Variants in PROX2 observed in about 807,000 individuals in gnomAD.
PROX2 encodes the protein prospero homeobox 2.
A neutral mutation model predicts 48.9 loss-of-function variants in PROX2; 46 were observed. The observed-to-expected ratio is 0.94, with a 90% CI of 0.74 to 1.20. The LOEUF (loss-of-function observed/expected upper bound fraction) is 1.20. PROX2 is among the 50% of genes most tolerant of loss of function. The probability of loss-of-function intolerance (pLI) is 0.00; values close to 1 mark genes in which losing one functional copy is unlikely to be tolerated. For synonymous variants in PROX2, 260 were observed against 276.6 expected (o/e 0.94, Z 0.60); for missense variants, 663 against 719.4 (o/e 0.92, Z 0.90).
intron 5 of PROX2, chr14:74,856,075 C>T (rs2091740507): frequency 6.6e-6 from 1 of 152,248 alleles, no homozygotes; most frequent in Non-Finnish European, 1.5e-5. Context: ...TCTTTGTGAT[C>T]ACAGTCAAGG....
chr14:74,868,262 T>C (rs1164287307), intron 2 of PROX2, among the ~76,000 whole-genome samples: 1 of 146,720 alleles, frequency 6.8e-6, no homozygotes, highest in African/African-American at 2.5e-5. Flanking sequence ...TGTTCATCAT[T>C]TTTGCCAAGC....
intron 1 of PROX2, among the ~76,000 whole-genome samples, chr14:74,871,572 G>A (rs1202802514): frequency 2.6e-5 from 4 of 151,096 alleles, no homozygotes; most frequent in Non-Finnish European, 4.4e-5. Context: ...CCAGGAGTTC[G>A]AGACCAGCCT....
chr14:74,865,153 A>G (rs1308468901), intron 2 of PROX2: 2 of 107,830 alleles, frequency 1.9e-5, no homozygotes, highest in Non-Finnish European at 3.7e-5. Context: ...TTAAGAAAAA[A>G]AAGAAAAAGA....
At chr14:74,868,324 T>A (rs1489956386) in intron 2 of PROX2, among the ~76,000 whole-genome samples, 1 of 58,444 alleles carries the variant, frequency 1.7e-5, no homozygotes, top group African/African-American at 8.8e-5. Flanking sequence ...TATATATATA[T>A]ATATATATAT....
In PROX2 at chr14:74,858,496, G is replaced by A. The variant is rs1399417391; in HGVS notation, c.1324C>T (p.Pro442Ser). ...AGTTTGGCCTTCTTCAAGTGACCAG[G>A]GTTTAGACCCTCCTGGATTTATCTC... The part of the protein sequence containing the change: ...SLVHIQEGLN[P>S]GHLKKAKLMF... Residue 442 changes from proline to serine, a missense_variant, in exon 4 of 6, where the codon CCT (proline) becomes TCT (serine). Coordinates refer to ENST00000556489, the MANE Select transcript of PROX2 (RefSeq NM_001243007.2). The A allele has an allele frequency of 6.4e-7, 1 of 1,574,074 alleles. No individual in the cohort carries two copies. The highest frequency in any genetic ancestry group is 1.3e-5 in the African/African-American group (1 of 74,212).
chr14:74,871,365 T>G (rs1883210992), intron 1 of PROX2, 128 bp from the exon 2 acceptor site: 1 of 152,110 alleles, frequency 6.6e-6, no homozygotes, highest in African/African-American at 2.4e-5. Flanking sequence ...GAGAAGCAAA[T>G]TTAGCTACAA....
intron 5 of PROX2, 119 bp from the exon 6 acceptor site, chr14:74,855,421 C>T: frequency 4.4e-6 from 3 of 682,774 alleles, no homozygotes; most frequent in Non-Finnish European, 6.6e-6. Flanking sequence ...AGCATCCCTG[C>T]TCTAGTGGCC....
chr14:74,853,314 G>A lies in PROX2; in HGVS notation c.*1818C>T, dbSNP rs2091718524. 6.6e-6 allele frequency: 1 copy of A among 152,182 alleles called. No individual in the cohort carries two copies. Among genetic ancestry groups the A allele is most frequent in the South Asian group, 2.1e-4 (1 of 4,828 alleles). 9.4% of individuals were successfully genotyped at this position (152,182 alleles called of 1,614,324 possible). On this transcript the variant is annotated 3_prime_UTR_variant, in exon 6 of 6. Coordinates refer to ENST00000556489, the MANE Select transcript of PROX2 (RefSeq NM_001243007.2). ...TAACTTAGGTATGTAATGTCACTCT[G>A]GATAGAGGGTTCTTCTACTATGTCC...
At position 74,855,046 on chromosome 14, in the gene PROX2, G is replaced by T; in HGVS notation, c.*86C>A. 1.1e-6 allele frequency: 1 copy of T among 872,580 alleles called. No individual in the cohort carries two copies. The highest frequency in any genetic ancestry group is 1.6e-6 in the Non-Finnish European group (1 of 609,504). The allele number at this position is 872,580 out of a possible 1,614,324, so 54.1% of individuals were successfully genotyped here. A position where few individuals can be genotyped will look rare whatever the true frequency, so the allele number is the denominator to read the frequency against. On this transcript the variant is annotated 3_prime_UTR_variant, in exon 6 of 6. Transcript: ENST00000556489. The stretch of plus-strand genomic sequence containing the variant: ...AGATTTCCTTGTGCCCTTTTTATAT[G>T]ACTACAGCTAAATTGCCCTTTAAGA...
At chr14:74,868,436 A>G (rs1566782576) in intron 2 of PROX2, among the ~76,000 whole-genome samples, 2 of 149,440 alleles carry the variant, frequency 1.3e-5, no homozygotes, top group Non-Finnish European at 3.0e-5. Context: ...ATATCAATCT[A>G]CAGCAACGTT....
At chr14:74,870,441 TACAC>T (rs10525556) in intron 2 of PROX2, among the ~76,000 whole-genome samples, 30 of 110,898 alleles carry the variant, frequency 2.7e-4, no homozygotes, top group Middle Eastern at 4.6e-3. Context: ...AAAAAAAAAA[TACAC>T]ACACACACAC....
chr14:74,868,335 AT>A (rs1445384608), intron 2 of PROX2, among the ~76,000 whole-genome samples: 6 of 129,794 alleles, frequency 4.6e-5, no homozygotes, highest in Non-Finnish European at 8.2e-5. Context: ...ATATATATAT[AT>A]ATATATATAT....
chr14:74,865,167 A>AG (rs983691640), intron 2 of PROX2: 5 of 151,152 alleles, frequency 3.3e-5, no homozygotes, highest in African/African-American at 9.7e-5. Flanking sequence ...AAAAAGAAAA[A>AG]AAAAAAAACA....
At chr14:74,866,003 T>C (rs1883049255) in intron 2 of PROX2, among the ~76,000 whole-genome samples, 4 of 152,136 alleles carry the variant, frequency 2.6e-5, no homozygotes, top group Admixed American at 2.6e-4. Flanking sequence ...ATGCCTGTAA[T>C]CCCAGCACTT....
chr14:74,866,516 C>T (rs1293804470), intron 2 of PROX2, among the ~76,000 whole-genome samples: 1 of 152,060 alleles, frequency 6.6e-6, no homozygotes. Flanking sequence ...CAGGGGGAAA[C>T]CTAGGGGTGT....
At chr14:74,858,723 C>T (rs2091767288) in intron 3 of PROX2, 2 of 523,284 alleles carry the variant, frequency 3.8e-6, no homozygotes, top group East Asian at 6.3e-5. Flanking sequence ...TAAAAATCAT[C>T]TCGATGTGGA....
At chr14:74,855,659 G>A (rs2091737777) in intron 5 of PROX2, 1 of 166,090 alleles carries the variant, frequency 6.0e-6, no homozygotes, top group South Asian at 2.0e-4. Flanking sequence ...AGTACTAACT[G>A]TGGAAAGGAG....
chr14:74,870,110 A>G (rs554226942), intron 2 of PROX2, among the ~76,000 whole-genome samples: 1 of 152,202 alleles, frequency 6.6e-6, no homozygotes, highest in African/African-American at 2.4e-5. Flanking sequence ...GGGGTAAGAG[A>G]AAATTAGATA....
rs1040699515 is a variant in PROX2, at chr14:74,864,570, G to A, written c.-174-562C>T. 5.3e-5 allele frequency among the ~76,000 whole-genome samples: 8 copies of A among 152,256 alleles called. No homozygotes were observed. In the East Asian group the frequency reaches 5.8e-4, roughly 11 times the overall value. ...AGAAATAGCAAATTCGGCAGGGTGC[G>A]GTGGCTCACGCCTGTAATCCCAGCA... On this transcript the variant is annotated intron_variant, in intron 2 of 5. Transcript: ENST00000556489.
Sources: allele counts gnomAD v4.1 joint callset (sites outside exome capture counted in the v4.1 genomes callset), GRCh38; gene constraint gnomAD v4.1.1; transcripts MANE v1.5; gene names NCBI Gene and HGNC (gene_info 2026-07-23, HGNC 2026-07-21).